PTPRG: variants seen among roughly 807,000 people sequenced by gnomAD.
PTPRG encodes the protein protein tyrosine phosphatase receptor type G.
Under a neutral mutation model 165.3 loss-of-function variants are expected in PTPRG, and 102 were observed. That is an observed-to-expected ratio of 0.62 (90% CI 0.53 to 0.73). The LOEUF is 0.73. Among genes scored for constraint, PTPRG ranks in the 30% least tolerant of loss-of-function variants. PTPRG has a pLI of 0.00. For missense variants in PTPRG, 1,866 were observed against 1,861.4 expected, an observed-to-expected ratio of 1.00 and a Z score of -0.05; for synonymous variants, 675 against 669.5, an observed-to-expected ratio of 1.01 and a Z score of -0.13.
At chr3:61,900,163 A>G (rs1271161025) in intron 2 of PTPRG, among the ~76,000 whole-genome samples, 4 of 152,108 alleles carry the variant, frequency 2.6e-5, no homozygotes, top group African/African-American at 7.2e-5. Context: ...TTAAATACCC[A>G]AAGTTAGAGG....
At chr3:62,027,748 C>G (rs1239528010) in intron 4 of PTPRG, among the ~76,000 whole-genome samples, 1 of 152,054 alleles carries the variant, frequency 6.6e-6, no homozygotes. Context: ...CATCAAAAAA[C>G]GTGCCCCAGA....
At chr3:61,707,868 A>T (rs567864602) in intron 1 of PTPRG, among the ~76,000 whole-genome samples, 1 of 152,210 alleles carries the variant, frequency 6.6e-6, no homozygotes, top group Middle Eastern at 3.4e-3. Context: ...GGTTCATTGC[A>T]GCCTTGACCT....
At chr3:61,886,088 G>A (rs144150683) in intron 2 of PTPRG, among the ~76,000 whole-genome samples, 13 of 152,090 alleles carry the variant, frequency 8.5e-5, no homozygotes, top group African/African-American at 3.1e-4. Flanking sequence ...CTTGGAGAAA[G>A]AGAGAGGAGA....
At chr3:62,065,605 C>T (rs1006300956) in intron 4 of PTPRG, among the ~76,000 whole-genome samples, 2 of 152,146 alleles carry the variant, frequency 1.3e-5, no homozygotes, top group Admixed American at 6.5e-5. Context: ...AATAAAAAAT[C>T]CCGGTGGAGC....
intron 1 of PTPRG, among the ~76,000 whole-genome samples, chr3:61,704,194 G>A (rs17671469): frequency 0.022 from 3,334 of 152,256 alleles, 47 homozygotes; most frequent in Non-Finnish European, 0.034. Flanking sequence ...GAGGTAGACG[G>A]CCAGGTTTTT....
At chr3:61,647,567 G>T (rs1702235961) in intron 1 of PTPRG, among the ~76,000 whole-genome samples, 1 of 152,036 alleles carries the variant, frequency 6.6e-6, no homozygotes, top group Non-Finnish European at 1.5e-5. Context: ...GAGGCGGGCG[G>T]ATCACGAAGT....
At chr3:62,061,719 C>G (rs1700819409) in intron 4 of PTPRG, among the ~76,000 whole-genome samples, 2 of 151,614 alleles carry the variant, frequency 1.3e-5, no homozygotes, top group African/African-American at 4.8e-5. Context: ...ATCTCTGCCT[C>G]CTGGGTTTCA....
intron 2 of PTPRG, among the ~76,000 whole-genome samples, chr3:61,880,273 C>T (rs1575747489): frequency 6.6e-6 from 1 of 152,286 alleles, no homozygotes; most frequent in East Asian, 1.9e-4. Context: ...TAGACTATCT[C>T]CCCACTGCTA....
intron 1 of PTPRG, among the ~76,000 whole-genome samples, chr3:61,641,983 C>A (rs971743086): frequency 8.5e-5 from 13 of 152,170 alleles, no homozygotes. Context: ...CACCCCCCAG[C>A]CTCCTCATCT....
intron 5 of PTPRG, among the ~76,000 whole-genome samples, chr3:62,116,711 A>T (rs1380085160): frequency 6.6e-6 from 1 of 152,182 alleles, no homozygotes. Flanking sequence ...AATGCATCTG[A>T]CTATATACTT....
At chr3:62,099,053 C>T (rs1279855408) in intron 5 of PTPRG, among the ~76,000 whole-genome samples, 1 of 152,174 alleles carries the variant, frequency 6.6e-6, no homozygotes, top group East Asian at 1.9e-4. Flanking sequence ...CCCTGATGCC[C>T]ACCTGCCTAC....
intron 5 of PTPRG, among the ~76,000 whole-genome samples, chr3:62,104,195 A>G (rs1055917919): frequency 5.9e-5 from 9 of 152,172 alleles, no homozygotes; most frequent in Admixed American, 6.5e-5. Flanking sequence ...TTAATTGCCA[A>G]TGGCAGAAGG....
intron 2 of PTPRG, among the ~76,000 whole-genome samples, chr3:61,768,730 C>T (rs567946735): frequency 5.9e-4 from 89 of 151,914 alleles, no homozygotes; most frequent in Non-Finnish European, 1.0e-3. Context: ...CTTAGACGTC[C>T]GATTAGAAAG....
Position 61,801,569 on chromosome 3 carries a change from C to G in PTPRG, c.190+52587C>G, listed in dbSNP as rs574697673. ...TATGTGGAGTGCAACAACAGAAACT[C>G]AAGTCGGCTTGTGTCATAATGGAAA... On this transcript the variant is annotated intron_variant, in intron 2 of 29. Coordinates refer to ENST00000474889, the MANE Select transcript of PTPRG (RefSeq NM_002841.4). Among the ~76,000 whole-genome samples, 261 of 152,184 alleles carry G rather than the reference C, an allele frequency of 1.7e-3. 2 individuals are homozygous for G. Among genetic ancestry groups the G allele is most frequent in the South Asian group, 7.7e-3 (37 of 4,814 alleles).
chr3:61,989,465 TG>T lies in PTPRG; in HGVS notation c.191-159del, dbSNP rs2040833157. ...AGTAACATCTTTTCTGAAATCTTCT[TG>T]TCACATCAGGCCAATGGCTTTGATT... On this transcript the variant is annotated intron_variant, in intron 2 of 29. Coordinates refer to ENST00000474889, the MANE Select transcript of PTPRG (RefSeq NM_002841.4). Among the ~76,000 whole-genome samples, 5 of 152,354 alleles carry T rather than the reference TG, an allele frequency of 3.3e-5. No individual in the cohort carries two copies. In the Middle Eastern group the frequency reaches 0.01, roughly 313 times the overall value.
intron 2 of PTPRG, among the ~76,000 whole-genome samples, chr3:61,782,753 C>A (rs1255576058): frequency 6.6e-6 from 1 of 152,108 alleles, no homozygotes; most frequent in Non-Finnish European, 1.5e-5. Context: ...CTCTTTCATT[C>A]ATGGTAATAA....
At chr3:62,087,834 G>A (rs1307448148) in intron 5 of PTPRG, among the ~76,000 whole-genome samples, 1 of 152,098 alleles carries the variant, frequency 6.6e-6, no homozygotes, top group Non-Finnish European at 1.5e-5. Flanking sequence ...TAGCTGAAGA[G>A]GTATTTTCTT....
At chr3:62,002,007 A>C (rs1007035208) in intron 3 of PTPRG, among the ~76,000 whole-genome samples, 9 of 152,348 alleles carry the variant, frequency 5.9e-5, no homozygotes, top group African/African-American at 1.9e-4. Context: ...TAATTGGCAC[A>C]AGAAACACTT....
rs72888675 is a variant in PTPRG, at chr3:61,586,525, G to A, written c.85+24153G>A. On this transcript the variant is annotated intron_variant, in intron 1 of 29. Coordinates refer to ENST00000474889, the MANE Select transcript of PTPRG (RefSeq NM_002841.4). ...TAAAGCTTGACTGTTCCTTCTGTTC[G>A]TTTGCACCACCAGTTTCTAAAGTTA... 9.7e-3 allele frequency among the ~76,000 whole-genome samples: 1,483 copies of A among 152,264 alleles called. 18 individuals are homozygous for A. The highest frequency in any genetic ancestry group is 0.034 in the African/African-American group (1,398 of 41,550).
Sources: allele counts gnomAD v4.1 joint callset (sites outside exome capture counted in the v4.1 genomes callset), GRCh38; gene constraint gnomAD v4.1.1; transcripts MANE v1.5; gene names NCBI Gene and HGNC (gene_info 2026-07-23, HGNC 2026-07-21).